Variants in EPHB1 observed in about 807,000 individuals in gnomAD.
The protein encoded by EPHB1 is EPH receptor B1.
A neutral mutation model predicts 94.4 loss-of-function variants in EPHB1; 30 were observed. That is an observed-to-expected ratio of 0.32 (90% confidence interval 0.24 to 0.43). The LOEUF (loss-of-function observed/expected upper bound fraction) is 0.43, where lower values mean the gene tolerates loss of function less well. EPHB1 is among the 20% of genes least tolerant of loss of function. The pLI is 1.00. For missense variants in EPHB1, 1,055 were observed against 1,308.3 expected (o/e 0.81, Z 2.99); for synonymous variants, 522 against 489.1 (o/e 1.07, Z -0.89).
intron 15 of EPHB1, among the ~76,000 whole-genome samples, chr3:135,257,730 C>G (rs1174059128): frequency 1.4e-5 from 2 of 143,644 alleles, no homozygotes; most frequent in African/African-American, 5.1e-5. Flanking sequence ...CCTCCTTGAG[C>G]TGGGCTCCAC....
intron 3 of EPHB1, among the ~76,000 whole-genome samples, chr3:135,035,703 C>A (rs1936620975): frequency 6.6e-6 from 1 of 152,218 alleles, no homozygotes; most frequent in Non-Finnish European, 1.5e-5. Context: ...ACCTACTGTC[C>A]ACTGGCCTTG....
intron 5 of EPHB1, among the ~76,000 whole-genome samples, chr3:135,153,816 C>T (rs1173362554): frequency 1.3e-5 from 2 of 152,204 alleles, no homozygotes; most frequent in Non-Finnish European, 2.9e-5. Context: ...AAAAACATTA[C>T]AGTGTTCCTC....
intron 1 of EPHB1, among the ~76,000 whole-genome samples, chr3:134,872,814 T>G (rs2037530554): frequency 6.6e-6 from 1 of 152,218 alleles, no homozygotes; most frequent in Non-Finnish European, 1.5e-5. Flanking sequence ...CCTACCAGAC[T>G]GGGCACTCCA....
chr3:135,076,931 G>A (rs1284579259), intron 3 of EPHB1, among the ~76,000 whole-genome samples: 2 of 152,150 alleles, frequency 1.3e-5, no homozygotes, highest in African/African-American at 4.8e-5. Context: ...GAATTAGGGG[G>A]TAGGAGCAGT....
chr3:135,113,915 G>A (rs1394690174), intron 4 of EPHB1, among the ~76,000 whole-genome samples: 1 of 152,164 alleles, frequency 6.6e-6, no homozygotes, highest in South Asian at 2.1e-4. Context: ...ATAGCAGCCA[G>A]AATGAGACTT....
chr3:134,966,011 C>A (rs1377899371), intron 3 of EPHB1, among the ~76,000 whole-genome samples: 3 of 152,184 alleles, frequency 2.0e-5, no homozygotes, highest in Non-Finnish European at 4.4e-5. Flanking sequence ...CTGGCCCTTC[C>A]TTTCAGGCCA....
At chr3:135,182,454 A>T (rs1331846961) in intron 10 of EPHB1, among the ~76,000 whole-genome samples, 1 of 152,082 alleles carries the variant, frequency 6.6e-6, no homozygotes, top group African/African-American at 2.4e-5. Context: ...TACTTCTTAT[A>T]TGCTGGATGT....
intron 3 of EPHB1, among the ~76,000 whole-genome samples, chr3:134,957,334 C>T (rs913366542): frequency 6.6e-6 from 1 of 152,078 alleles, no homozygotes; most frequent in Admixed American, 6.5e-5. Flanking sequence ...AGAAAGGGAC[C>T]CCAGGGTAGG....
At chr3:134,827,361 G>C (rs1012612085) in intron 1 of EPHB1, among the ~76,000 whole-genome samples, 6 of 104,090 alleles carry the variant, frequency 5.8e-5, no homozygotes, top group South Asian at 6.5e-4. Context: ...GCGGGTGCGC[G>C]TGCACACACA....
chr3:135,249,520 C>A, intron 15 of EPHB1, 29 bp downstream of exon 15: 2 of 1,603,696 alleles, frequency 1.2e-6, no homozygotes, highest in South Asian at 1.1e-5. Flanking sequence ...TCTGTCCAGA[C>A]CACACCTAGG....
chr3:135,150,080 A>C (rs1447343375), intron 5 of EPHB1, among the ~76,000 whole-genome samples: 6 of 152,168 alleles, frequency 3.9e-5, no homozygotes, highest in African/African-American at 1.4e-4. Flanking sequence ...TTTGGCAAAT[A>C]TCTTGAGTTT....
chr3:134,804,069 CTATTT>C (rs1421902994), intron 1 of EPHB1, among the ~76,000 whole-genome samples: 7 of 51,818 alleles, frequency 1.4e-4, no homozygotes, highest in South Asian at 4.7e-4. Flanking sequence ...TCATTATTGG[CTATTT>C]TTTTTTTTTT....
chr3:134,989,249 G>C (rs909051341), intron 3 of EPHB1, among the ~76,000 whole-genome samples: 3 of 152,198 alleles, frequency 2.0e-5, no homozygotes, highest in Middle Eastern at 3.2e-3. Context: ...TACTGCACCA[G>C]AGGGGGAACA....
At chr3:134,965,715 G>A (rs1017089761) in intron 3 of EPHB1, among the ~76,000 whole-genome samples, 3 of 152,202 alleles carry the variant, frequency 2.0e-5, no homozygotes, top group South Asian at 2.1e-4. Flanking sequence ...GCCTAAATTC[G>A]AGTTAACCAT....
At chr3:135,212,110 G>A (rs1429205784) in intron 12 of EPHB1, among the ~76,000 whole-genome samples, 5 of 151,968 alleles carry the variant, frequency 3.3e-5, no homozygotes, top group Non-Finnish European at 5.9e-5. Context: ...GAGCCCTTCC[G>A]GTGACTTTTT....
At chr3:135,002,815 C>G (rs1323808445) in intron 3 of EPHB1, among the ~76,000 whole-genome samples, 3 of 151,890 alleles carry the variant, frequency 2.0e-5, no homozygotes, top group Non-Finnish European at 4.4e-5. Flanking sequence ...TCCCCTTTAT[C>G]ATTTTTTATT....
intron 1 of EPHB1, among the ~76,000 whole-genome samples, chr3:134,810,894 C>G (rs1261370583): frequency 1.3e-5 from 2 of 152,164 alleles, no homozygotes; most frequent in African/African-American, 4.8e-5. Context: ...TAGCAGGGTA[C>G]TGGTTCTCAG....
intron 1 of EPHB1, among the ~76,000 whole-genome samples, chr3:134,913,650 G>A (rs2038504264): frequency 6.6e-6 from 1 of 152,232 alleles, no homozygotes; most frequent in Non-Finnish European, 1.5e-5. Context: ...ACCAGGGCTG[G>A]AGAGCCCACT....
chr3:134,883,533 A>T (rs1264759520), intron 1 of EPHB1, among the ~76,000 whole-genome samples: 1 of 152,228 alleles, frequency 6.6e-6, no homozygotes, highest in Non-Finnish European at 1.5e-5. Flanking sequence ...AATTCTAAGA[A>T]TGCAAGCCTG....
Sources: gnomAD v4.1 joint callset for allele counts (sites outside exome capture counted in the v4.1 genomes callset) on GRCh38, gnomAD v4.1.1 for gene constraint, MANE v1.5 for transcripts, NCBI Gene and HGNC (gene_info 2026-07-23, HGNC 2026-07-21) for gene names.